PLPP7: variants seen among roughly 807,000 people sequenced by gnomAD.
The protein encoded by PLPP7 is inactive phospholipid phosphatase 7.
Under a neutral mutation model 16.9 loss-of-function variants are expected in PLPP7, and 11 were observed. The observed-to-expected ratio is 0.65, with a 90% CI of 0.41 to 1.08. PLPP7 has a LOEUF of 1.08. Ranked by LOEUF, PLPP7 falls within the 50% of genes least tolerant of loss-of-function variation. The pLI is 0.00. For missense variants in PLPP7, 358 were observed against 397.1 expected, an observed-to-expected ratio of 0.90 and a Z score of 0.84; for synonymous variants, 174 against 175.1, an observed-to-expected ratio of 0.99 and a Z score of 0.05.
chr9:131,304,421 G>T (rs1835831167), intron 1 of PLPP7, among the ~76,000 whole-genome samples: 1 of 152,186 alleles, frequency 6.6e-6, no homozygotes, highest in South Asian at 2.1e-4. Context: ...GATCCCTTGA[G>T]GTCAGGAGTT....
Position 131,290,405 on chromosome 9 carries a change from C to G in PLPP7, c.408C>G (p.Ser136Arg). The change falls in exon 1 of 2, where the codon AGC becomes AGG. Residue 136 changes from serine (S) to arginine (R), a missense_variant. By Grantham distance (110) the Ser-to-Arg change is moderately radical. Transcript: ENST00000372264. The surrounding 1 kb of genome is among the most constrained non-coding windows in gnomAD (Gnocchi z 4.2). ...IGGTILCLVK[S>R]STLAGQEVLM... ...GCACCATCCTCTGCCTGGTGAAGAG[C>G]AGCACACTGGCCGGCCAGGAGGTGC... The G allele has an allele frequency of 1.3e-6, 2 of 1,579,862 alleles. No homozygotes were observed. Among genetic ancestry groups the G allele is most frequent in the Non-Finnish European group, 1.7e-6 (2 of 1,162,410 alleles).
chr9:131,302,240 C>T (rs1416095208), intron 1 of PLPP7, among the ~76,000 whole-genome samples: 1 of 152,140 alleles, frequency 6.6e-6, no homozygotes, highest in East Asian at 1.9e-4. Context: ...GATTTAACCC[C>T]CTCCCCATGA....
chr9:131,296,438 G>A (rs960606296), intron 1 of PLPP7, among the ~76,000 whole-genome samples: 4 of 152,048 alleles, frequency 2.6e-5, no homozygotes, highest in African/African-American at 7.2e-5. Context: ...TAATTTTTCA[G>A]AGATGAGCTT....
chr9:131,305,034 G>A (rs1453207749), intron 1 of PLPP7, among the ~76,000 whole-genome samples: 4 of 152,208 alleles, frequency 2.6e-5, no homozygotes, highest in Admixed American at 6.5e-5. Context: ...CCTCTATAAA[G>A]GGGGGAATGA....
intron 1 of PLPP7, among the ~76,000 whole-genome samples, chr9:131,291,738 C>T (rs1588206910): frequency 6.6e-6 from 1 of 152,162 alleles, no homozygotes; most frequent in East Asian, 1.9e-4. Context: ...CACACCACCA[C>T]ACCCAGCTAA....
chr9:131,294,471 C>T (rs1248513089), intron 1 of PLPP7, among the ~76,000 whole-genome samples: 1 of 152,184 alleles, frequency 6.6e-6, no homozygotes, highest in Non-Finnish European at 1.5e-5. Flanking sequence ...GACCACCTGT[C>T]CCCTTCTCCC....
rs1220884847 is a variant in PLPP7 at position 131,295,164 on chromosome 9, T to C, written c.451+4716T>C. ...TTTCCTGAATATGAAAACTACTTTT[T>C]TTTTTTTGAGACGGAGTCTCGCTCT... On this transcript the variant is annotated intron_variant, in intron 1 of 1. Transcript: ENST00000372264. The surrounding 1 kb of genome is among the most constrained non-coding windows in gnomAD (Gnocchi z 4.0). 6.6e-6 allele frequency among the ~76,000 whole-genome samples: 1 copy of C among 151,962 alleles called. No individual in the cohort carries two copies. Among genetic ancestry groups the C allele is most frequent in the Non-Finnish European group, 1.5e-5 (1 of 67,954 alleles).
In PLPP7 at chr9:131,290,390, C is replaced by A; in HGVS notation, c.393C>A (p.Leu131=). 6.3e-7 allele frequency: 1 copy of A among 1,598,900 alleles called. No individual in the cohort carries two copies. Among genetic ancestry groups the A allele is most frequent in the Non-Finnish European group, 8.5e-7 (1 of 1,173,014 alleles). ...HGIPWIGGTI[L]CLVKSSTLAG... is the part of the protein sequence containing the mutation. ...TCCCCTGGATCGGAGGCACCATCCTCTGCCTGGTGAAGAGCAGCACACTGG... is the reference window on the plus strand; with the variant it reads ...TCCCCTGGATCGGAGGCACCATCCTATGCCTGGTGAAGAGCAGCACACTGG... Residue 131 remains leucine (L), a synonymous_variant, in exon 1 of 2, where the codon CTC becomes CTA. Coordinates refer to ENST00000372264, the MANE Select transcript of PLPP7 (RefSeq NM_032728.4). This position sits in a 1 kb window ranked among gnomAD's most constrained non-coding sequence, Gnocchi z 4.2.
rs574278050 is a variant in PLPP7 at position 131,295,061 on chromosome 9, G to A, written c.451+4613G>A. On this transcript the variant is annotated intron_variant, in intron 1 of 1. Coordinates refer to ENST00000372264, the MANE Select transcript of PLPP7 (RefSeq NM_032728.4). This position sits in a 1 kb window ranked among gnomAD's most constrained non-coding sequence, Gnocchi z 4.0. ...ACCCGGGAGGCGGAGCTTGCAGTGA[G>A]CTGAGATCGCACCACTGCACTCCAG... Among the ~76,000 whole-genome samples the A allele has an allele frequency of 6.4e-4, 96 of 151,150 alleles. No homozygotes were observed. Among genetic ancestry groups the A allele is most frequent in the South Asian group, 5.5e-3 (26 of 4,748 alleles).
intron 1 of PLPP7, among the ~76,000 whole-genome samples, chr9:131,305,919 G>T (rs1000035008): frequency 2.6e-5 from 4 of 152,020 alleles, no homozygotes; most frequent in Non-Finnish European, 4.4e-5. Context: ...GTGACCCACC[G>T]TGCCCAGCCA....
Position 131,290,272 on chromosome 9 carries a change from T to G in PLPP7, c.275T>G (p.Met92Arg). 6.2e-7 allele frequency: 1 copy of G among 1,612,532 alleles called. No individual in the cohort carries two copies. Among genetic ancestry groups the G allele is most frequent in the Non-Finnish European group, 8.5e-7 (1 of 1,179,260 alleles). Residue 92 changes from methionine to arginine, a missense_variant, in exon 1 of 2, where the codon ATG becomes AGG. Physicochemically the swap from Met to Arg is moderately conservative, Grantham distance 91. Transcript: ENST00000372264. This position sits in a 1 kb window ranked among gnomAD's most constrained non-coding sequence, Gnocchi z 4.2. Reference sequence around the variant, plus strand: ...TCCCTGCTGGCCATCGATATCTGTATGTCCAAGCGGCTGGGGGTGTGCGCT... The same window carrying G: ...TCCCTGCTGGCCATCGATATCTGTAGGTCCAAGCGGCTGGGGGTGTGCGCT... ...FNSLLAIDIC[M>R]SKRLGVCAGR...
At position 131,290,261 on chromosome 9, in the gene PLPP7, C is replaced by A. The variant is rs767643653; in HGVS notation, c.264C>A (p.Ile88=). Residue 88 remains isoleucine, a synonymous_variant, in exon 1 of 2, where the codon ATC becomes ATA. Transcript: ENST00000372264. This position sits in a 1 kb window ranked among gnomAD's most constrained non-coding sequence, Gnocchi z 4.2. ...TCGCCTTCAACTCCCTGCTGGCCAT[C>A]GATATCTGTATGTCCAAGCGGCTGG... ...KGIAFNSLLA[I]DICMSKRLGV... The A allele has an allele frequency of 2.5e-6, 4 of 1,611,976 alleles. No individual in the cohort carries two copies. Among genetic ancestry groups the A allele is most frequent in the Non-Finnish European group, 3.4e-6 (4 of 1,179,022 alleles).
At position 131,290,897 on chromosome 9, in the gene PLPP7, G is replaced by A. The variant is rs548313984; in HGVS notation, c.451+449G>A. Among the ~76,000 whole-genome samples, 42 of 152,160 alleles carry A rather than the reference G, an allele frequency of 2.8e-4. No homozygotes were observed. The highest frequency in any genetic ancestry group is 9.4e-4 in the African/African-American group (39 of 41,530). ...AGGCTGTTCCCGTGAGCTGCCCCAT[G>A]AGCACCTCCCGCCTCGGTTCAGGAA... On this transcript the variant is annotated intron_variant, in intron 1 of 1. Coordinates refer to ENST00000372264, the MANE Select transcript of PLPP7 (RefSeq NM_032728.4). The surrounding 1 kb of genome is among the most constrained non-coding windows in gnomAD (Gnocchi z 4.2).
In PLPP7 at chr9:131,307,918, A is replaced by T; in HGVS notation, c.452-5A>T. The T allele has an allele frequency of 6.4e-7, 1 of 1,574,288 alleles. No individual in the cohort carries two copies. The highest frequency in any genetic ancestry group is 8.6e-7 in the Non-Finnish European group (1 of 1,164,146). ...GGCCCAGGGGCCTCTGTCTCCCCCC[A>T]ACAGCCCTGCTCCTGGACATCATGA... On this transcript the variant is annotated splice_polypyrimidine_tract_variant and splice_region_variant and intron_variant, in intron 1 of 1. Transcript: ENST00000372264.
In PLPP7 at chr9:131,290,620, G is replaced by A. The variant is rs1366601686; in HGVS notation, c.451+172G>A. On this transcript the variant is annotated intron_variant, in intron 1 of 1. Transcript: ENST00000372264. The surrounding 1 kb of genome is among the most constrained non-coding windows in gnomAD (Gnocchi z 4.2). ...AACAGGCAGGCTCCGGCGTGGGGGA[G>A]CGACAGCCAGGGATGCATAGACGAG... 7.6e-6 allele frequency among the ~76,000 whole-genome samples: 1 copy of A among 132,026 alleles called. No individual in the cohort carries two copies. 86.6% of individuals were successfully genotyped at this position (132,026 alleles called of 152,430 possible). A position where few individuals can be genotyped will look rare whatever the true frequency, so the allele number is the denominator to read the frequency against.
intron 1 of PLPP7, among the ~76,000 whole-genome samples, chr9:131,300,491 C>T (rs1835785446): frequency 6.6e-6 from 1 of 151,942 alleles, no homozygotes; most frequent in Admixed American, 6.6e-5. Context: ...TCAAGACCAG[C>T]TTGGGCAACA....
chr9:131,297,241 C>T (rs1835743437), intron 1 of PLPP7, among the ~76,000 whole-genome samples: 1 of 152,262 alleles, frequency 6.6e-6, no homozygotes, highest in Non-Finnish European at 1.5e-5. Flanking sequence ...CTAGTGATTT[C>T]ATGTCCCTGG....
At chr9:131,292,830 A>C in intron 1 of PLPP7, 1 of 985,278 alleles carries the variant, frequency 1.0e-6, no homozygotes, top group Non-Finnish European at 1.2e-6. Flanking sequence ...CCAAACATTG[A>C]AAAATTTGCA....
chr9:131,291,069 GGTTT>G lies in PLPP7; in HGVS notation c.451+631_451+634del, dbSNP rs775386148. The G allele has an allele frequency of 1.6e-5, 22 of 1,366,264 alleles. 1 individual carries two copies. The highest frequency in any genetic ancestry group is 6.8e-5 in the South Asian group (6 of 88,052). The allele number at this position is 1,366,264 out of a possible 1,614,324, so 84.6% of individuals were successfully genotyped here. On this transcript the variant is annotated intron_variant, in intron 1 of 1. Coordinates refer to ENST00000372264, the MANE Select transcript of PLPP7 (RefSeq NM_032728.4). ...AGAAGGGTTCGGGGGGCCAGTTGTG[GGTTT>G]GTTTGTTTGCAAAGTCTTTGCCACC...
Sources: gnomAD v4.1 joint callset for allele counts (sites outside exome capture counted in the v4.1 genomes callset) on GRCh38, gnomAD v4.1.1 for gene constraint, Gnocchi (gnomAD v3.1) non-coding constraint, MANE v1.5 for transcripts, NCBI Gene and HGNC (gene_info 2026-07-23, HGNC 2026-07-21) for gene names.